Variants in MMP25 observed in about 807,000 individuals in gnomAD.
MMP25 encodes matrix metallopeptidase 25.
In MMP25, 68 loss-of-function variants were observed where a neutral mutation model predicts 62.1. The ratio of observed to expected loss-of-function variants is 1.10; its 90% CI spans 0.90 to 1.34. The LOEUF (loss-of-function observed/expected upper bound fraction) is 1.34, where lower values mean the gene tolerates loss of function less well. MMP25 is among the 40% of genes most tolerant of loss of function. The pLI is 0.00. For synonymous variants in MMP25, 407 were observed against 345.6 expected (o/e 1.18, Z -1.97); for missense variants, 942 against 792.5 (o/e 1.19, Z -2.26).
In MMP25 at chr16:3,047,759, C is replaced by T. The variant is rs558013565; in HGVS notation, c.232+212C>T. Among the ~76,000 whole-genome samples the T allele has an allele frequency of 2.4e-3, 363 of 151,922 alleles. 2 individuals carry two copies. The highest frequency in any genetic ancestry group is 8.5e-3 in the African/African-American group (350 of 41,410). Reference sequence around the variant, plus strand: ...CCGGTAATCCCAGGGTTTTGGGAGGCGGAGACTCAAGGATTGCTTCAGGCC... The same window carrying T: ...CCGGTAATCCCAGGGTTTTGGGAGGTGGAGACTCAAGGATTGCTTCAGGCC... On this transcript the variant is annotated intron_variant, in intron 2 of 9. Coordinates refer to ENST00000336577, the MANE Select transcript of MMP25 (RefSeq NM_022468.5).
chr16:3,047,461 A>T lies in MMP25; in HGVS notation c.146A>T (p.Gln49Leu). ...TACCTGCCGCCACCCCACCCTGCCC[A>T]GGCCCAGCTGCAGAGCCCTGAGAAG... ...YGYLPPPHPAQAQLQSPEKLR... is the reference protein window; with the variant it reads ...YGYLPPPHPALAQLQSPEKLR... The change falls in exon 2 of 10, where the codon CAG becomes CTG. Residue 49 changes from glutamine (Q) to leucine (L), a missense_variant. Coordinates refer to ENST00000336577, the MANE Select transcript of MMP25 (RefSeq NM_022468.5). 1 of 1,613,820 alleles carries T rather than the reference A, an allele frequency of 6.2e-7. No individual in the cohort carries two copies.
intron 4 of MMP25, chr16:3,054,567 T>C (rs1401315134): frequency 6.7e-6 from 1 of 149,368 alleles, no homozygotes; most frequent in East Asian, 2.1e-4. Context: ...GATGGACAGA[T>C]GCATGCACAG....
rs537460609 is a variant in MMP25, at chr16:3,047,758, G to A, written c.232+211G>A. On this transcript the variant is annotated intron_variant, in intron 2 of 9. Transcript: ENST00000336577. Reference sequence around the variant, plus strand: ...GCCGGTAATCCCAGGGTTTTGGGAGGCGGAGACTCAAGGATTGCTTCAGGC... The same window carrying A: ...GCCGGTAATCCCAGGGTTTTGGGAGACGGAGACTCAAGGATTGCTTCAGGC... Among the ~76,000 whole-genome samples, 363 of 152,220 alleles carry A rather than the reference G, an allele frequency of 2.4e-3. 2 individuals are homozygous for A. Among genetic ancestry groups the A allele is most frequent in the African/African-American group, 8.4e-3 (350 of 41,548 alleles).
At position 3,057,305 on chromosome 16, in the gene MMP25, C is replaced by T. The variant is rs981895933; in HGVS notation, c.839-5C>T. ...ACGCACACCTGCCTGACTCTTTCCT[C>T]ACAGGGAAGGCGCCCCAAACCCCAT... On this transcript the variant is annotated splice_region_variant and splice_polypyrimidine_tract_variant and intron_variant, in intron 5 of 9. Coordinates refer to ENST00000336577, the MANE Select transcript of MMP25 (RefSeq NM_022468.5). 6 of 1,613,966 alleles carry T rather than the reference C, an allele frequency of 3.7e-6. No individual in the cohort carries two copies. The highest frequency in any genetic ancestry group is 4.2e-6 in the Non-Finnish European group (5 of 1,179,998).
In MMP25 at chr16:3,050,281, G is replaced by A. The variant is rs1320286729; in HGVS notation, c.396G>A (p.Gln132=). The change falls in exon 4 of 10, where the codon CAG becomes CAA. Residue 132 remains glutamine (Q), a synonymous_variant. Transcript: ENST00000336577. ...TACGTTCCTTCCCCCAGAGCTCCCA[G>A]CTGAGCCAGGAGACCGTGCGGGTCC... The part of the protein sequence containing the change: ...WRVRSFPQSS[Q]LSQETVRVLM... The A allele has an allele frequency of 1.2e-6, 2 of 1,605,866 alleles. No individual in the cohort carries two copies. Among genetic ancestry groups the A allele is most frequent in the African/African-American group, 2.7e-5 (2 of 74,816 alleles).
intron 2 of MMP25, 74 bp downstream of exon 2, chr16:3,047,621 C>G: frequency 1.3e-6 from 2 of 1,512,192 alleles, no homozygotes; most frequent in Non-Finnish European, 1.8e-6. Flanking sequence ...CTTTAGACCT[C>G]AGTGTGCTCC....
In MMP25 at chr16:3,058,899, C is replaced by A. The variant is rs200340446; in HGVS notation, c.1490C>A (p.Ala497Asp). 17 of 1,554,058 alleles carry A rather than the reference C, an allele frequency of 1.1e-5. No homozygotes were observed. In the African/African-American group the frequency reaches 1.9e-4, roughly 17 times the overall value. The change falls in exon 10 of 10, where the codon GCC becomes GAC. Residue 497 changes from alanine to aspartate, a missense_variant. By Grantham distance (126) the Ala-to-Asp change is moderately radical (BLOSUM62 -2). Transcript: ENST00000336577. ...PKNSIKTEPD[A>D]PQPMGPNWLD... The stretch of plus-strand genomic sequence containing the variant: ...AACAGCATCAAGACCGAGCCGGACG[C>A]CCCCCAGCCCATGGGGCCCAACTGG...
rs1166993274 is a variant in MMP25 at position 3,060,105 on chromosome 16, G to C, written c.*1007G>C. ...CCTCCTGGGAGGCCTTAGCTCTAGA[G>C]TGAGGGGTGGGTGGAACCTGGGGGC... On this transcript the variant is annotated 3_prime_UTR_variant, in exon 10 of 10. Coordinates refer to ENST00000336577, the MANE Select transcript of MMP25 (RefSeq NM_022468.5). 1 of 152,342 alleles carries C rather than the reference G, an allele frequency of 6.6e-6. No homozygotes were observed. The highest frequency in any genetic ancestry group is 1.5e-5 in the Non-Finnish European group (1 of 68,226). The allele number at this position is 152,342 out of a possible 1,614,324, so 9.4% of individuals were successfully genotyped here. A position where few individuals can be genotyped will look rare whatever the true frequency, so the allele number is the denominator to read the frequency against.
rs1956031469 is a variant in MMP25, at chr16:3,057,403, C to T, written c.923+9C>T. 1 of 1,609,886 alleles carries T rather than the reference C, an allele frequency of 6.2e-7. No homozygotes were observed. The highest frequency in any genetic ancestry group is 8.5e-7 in the Non-Finnish European group (1 of 1,177,326). On this transcript the variant is annotated intron_variant, in intron 6 of 9. Coordinates refer to ENST00000336577, the MANE Select transcript of MMP25 (RefSeq NM_022468.5). ...GCCTCGCCCACACACAGGTGAGTCC[C>T]CCACCAACTCGGAGACCTTGGGTGA...
At chr16:3,053,582 G>GC (rs1955943861) in intron 4 of MMP25, 1 of 152,302 alleles carries the variant, frequency 6.6e-6, no homozygotes, top group Non-Finnish European at 1.5e-5. Flanking sequence ...TGGGCTAGCG[G>GC]CCGCCTTGAG....
In MMP25 at chr16:3,057,127, G is replaced by A. The variant is rs1366071619; in HGVS notation, c.756G>A (p.Arg252=). Residue 252 remains arginine, a synonymous_variant, in exon 5 of 10, where the codon AGG becomes AGA. Coordinates refer to ENST00000336577, the MANE Select transcript of MMP25 (RefSeq NM_022468.5). ...CCTCAGCCCCCAACTCCATTATGAG[G>A]CCCTTCTACCAGGGTCCGGTGGGCG... The part of the protein sequence containing the change: ...GHSSAPNSIM[R]PFYQGPVGDP... 6.2e-7 allele frequency: 1 copy of A among 1,613,466 alleles called. No individual in the cohort carries two copies. The highest frequency in any genetic ancestry group is 2.2e-5 in the East Asian group (1 of 44,862).
chr16:3,046,977 CG>C lies in MMP25; in HGVS notation c.61del (p.Ala21ProfsTer9). On this transcript the variant is annotated frameshift_variant, in exon 1 of 10. Transcript: ENST00000336577. LOFTEE classifies it high-confidence loss of function. ...TTCTGCTGCTGGCACCGCCCGCGCG[CG>C]CCCCGAAGCCCTCGGCGCAGGACGT... ...LLLLLAPPARAPKPSAQDVSL... is the reference protein window; with the variant it reads ...LLLLLAPPARXPKPSAQDVSL... The C allele has an allele frequency of 2.0e-6, 3 of 1,471,084 alleles. No individual in the cohort carries two copies. Among genetic ancestry groups the C allele is most frequent in the Non-Finnish European group, 1.8e-6 (2 of 1,119,200 alleles). The allele number at this position is 1,471,084 out of a possible 1,614,324, so 91.1% of individuals were successfully genotyped here.
chr16:3,058,623 G>T lies in MMP25; in HGVS notation c.1371G>T (p.Trp457Cys), dbSNP rs909214033. The T allele has an allele frequency of 1.2e-6, 2 of 1,606,690 alleles. No individual in the cohort carries two copies. Among genetic ancestry groups the T allele is most frequent in the East Asian group, 2.2e-5 (1 of 44,622 alleles). ...DPGYPRDLSL[W>C]EGAPPSPDDV... ...GCTACCCTCGCGACCTGAGCCTCTG[G>T]GAAGGCGCGCCCCCCTCCCCTGACG... The change falls in exon 9 of 10, where the codon TGG becomes TGT. Residue 457 changes from tryptophan to cysteine, a missense_variant. Transcript: ENST00000336577.
chr16:3,054,438 A>G (rs1955965078), intron 4 of MMP25: 1 of 130,594 alleles, frequency 7.7e-6, no homozygotes, highest in African/African-American at 3.0e-5. Context: ...GGACAGATGC[A>G]TGCACAGAGG....
rs1043298 is a variant in MMP25, at chr16:3,060,521, T to A, written c.*1423T>A. The A allele has an allele frequency of 0.46, 70,546 of 151,940 alleles. 16,630 individuals carry two copies. Among genetic ancestry groups the A allele is most frequent in the East Asian group, 0.72 (3,741 of 5,162 alleles). The allele number at this position is 151,940 out of a possible 1,614,324, so 9.4% of individuals were successfully genotyped here. A position where few individuals can be genotyped will look rare whatever the true frequency, so the allele number is the denominator to read the frequency against. ...CTGTGGGCGGCTGTCCCAGCAACCATGCGAGGGGTTGCCCCAGTTGCTCAT... is the reference window on the plus strand; with the variant it reads ...CTGTGGGCGGCTGTCCCAGCAACCAAGCGAGGGGTTGCCCCAGTTGCTCAT... On this transcript the variant is annotated 3_prime_UTR_variant, in exon 10 of 10. Transcript: ENST00000336577.
chr16:3,050,096 G>T lies in MMP25; in HGVS notation c.320G>T (p.Arg107Leu). ...GVAGLVRRRR[R>L]YALSGSVWKK... The stretch of plus-strand genomic sequence containing the variant: ...GCGGGGCTGGTCAGGCGGCGTCGCC[G>T]GTACGCTCTGAGCGGCAGCGTGTGG... The change falls in exon 3 of 10, where the codon CGG becomes CTG. Residue 107 changes from arginine (R) to leucine (L), a missense_variant. Transcript: ENST00000336577. The T allele has an allele frequency of 6.2e-7, 1 of 1,611,402 alleles. No individual in the cohort carries two copies. Among genetic ancestry groups the T allele is most frequent in the Non-Finnish European group, 8.5e-7 (1 of 1,179,758 alleles).
chr16:3,050,435 C>A lies in MMP25; in HGVS notation c.550C>A (p.Pro184Thr), dbSNP rs764217127. 1.2e-6 allele frequency: 2 copies of A among 1,613,964 alleles called. No individual in the cohort carries two copies. The highest frequency in any genetic ancestry group is 2.2e-5 in the East Asian group (1 of 44,876). The part of the protein sequence containing the change: ...FARAFHQDSY[P>T]FDGLGGTLAH... Reference sequence around the variant, plus strand: ...CCGCGCCTTCCACCAGGACAGCTACCCCTTCGACGGGTTGGGGGGCACCCT... The same window carrying A: ...CCGCGCCTTCCACCAGGACAGCTACACCTTCGACGGGTTGGGGGGCACCCT... The change falls in exon 4 of 10, where the codon CCC (proline) becomes ACC (threonine). Residue 184 changes from proline to threonine, a missense_variant. Coordinates refer to ENST00000336577, the MANE Select transcript of MMP25 (RefSeq NM_022468.5).
At chr16:3,057,288 C>G (rs760684068) in intron 5 of MMP25, 22 bp from the exon 6 acceptor site, 2 of 1,613,960 alleles carry the variant, frequency 1.2e-6, no homozygotes, top group East Asian at 4.5e-5. Context: ...GGACGCACAC[C>G]TGCCTGACTC....
chr16:3,055,935 G>C (rs1955999814), intron 4 of MMP25: 4 of 455,400 alleles, frequency 8.8e-6, no homozygotes, highest in Admixed American at 2.4e-5. Flanking sequence ...TGGCAGTCCT[G>C]AGCGCCTGAG....
Sources: gnomAD v4.1 joint callset for allele counts (sites outside exome capture counted in the v4.1 genomes callset) on GRCh38, gnomAD v4.1.1 for gene constraint, MANE v1.5 for transcripts, NCBI Gene and HGNC (gene_info 2026-07-23, HGNC 2026-07-21) for gene names.